ZBTB40: variants seen among roughly 807,000 people sequenced by gnomAD.
ZBTB40 encodes the protein zinc finger and BTB domain containing 40.
A neutral mutation model predicts 117.5 loss-of-function variants in ZBTB40; 60 were observed. That is an observed-to-expected ratio of 0.51 (90% CI 0.41 to 0.63). The LOEUF (loss-of-function observed/expected upper bound fraction) is 0.63. Among genes scored for constraint, ZBTB40 ranks in the 30% least tolerant of loss-of-function variants. The pLI, the probability that ZBTB40 is intolerant of heterozygous loss-of-function variation, is 0.00. For synonymous variants in ZBTB40, 525 were observed against 577.1 expected (o/e 0.91, Z 1.29); for missense variants, 1,287 against 1,498.5 (o/e 0.86, Z 2.33).
intron 1 of ZBTB40, among the ~76,000 whole-genome samples, chr1:22,483,918 T>C (rs1638395331): frequency 6.6e-6 from 1 of 152,250 alleles, no homozygotes; most frequent in Non-Finnish European, 1.5e-5. Context: ...TTTAAGTTAA[T>C]TTTTGTGAAG....
chr1:22,508,514 G>A lies in ZBTB40; in HGVS notation c.1498-16G>A. The stretch of plus-strand genomic sequence containing the variant: ...TGGAGAGTCTCTTACGTGAGTGTTT[G>A]TGTTACATCTTGAAGGTCATGGAGA... On this transcript the variant is annotated splice_polypyrimidine_tract_variant and intron_variant, in intron 7 of 17. Transcript: ENST00000375647. The A allele has an allele frequency of 3.7e-6, 6 of 1,614,130 alleles. No individual in the cohort carries two copies. The highest frequency in any genetic ancestry group is 4.2e-6 in the Non-Finnish European group (5 of 1,179,992).
chr1:22,486,083 T>C (rs1056708111), intron 1 of ZBTB40, among the ~76,000 whole-genome samples: 7 of 152,212 alleles, frequency 4.6e-5, no homozygotes, highest in African/African-American at 1.7e-4. Context: ...CCAAACTGTT[T>C]TTGGGTTTTG....
At chr1:22,477,387 G>A (rs1016052507) in intron 1 of ZBTB40, among the ~76,000 whole-genome samples, 2 of 152,122 alleles carry the variant, frequency 1.3e-5, no homozygotes, top group African/African-American at 4.8e-5. Flanking sequence ...ACATAGAGCT[G>A]GCTTTTAAGA....
chr1:22,510,355 A>G (rs1363367873), intron 9 of ZBTB40, among the ~76,000 whole-genome samples: 3 of 152,202 alleles, frequency 2.0e-5, no homozygotes, highest in East Asian at 1.9e-4. Context: ...GGAAAGACTC[A>G]TCTGTTAGAC....
upstream of ZBTB40, among the ~76,000 whole-genome samples, chr1:22,448,685 G>T (rs1397766103): frequency 6.6e-6 from 1 of 152,138 alleles, no homozygotes; most frequent in Non-Finnish European, 1.5e-5. Flanking sequence ...ACTTCATTAG[G>T]TGGTTACAAG....
chr1:22,470,671 G>C (rs910275818), intron 1 of ZBTB40, among the ~76,000 whole-genome samples: 4 of 152,192 alleles, frequency 2.6e-5, no homozygotes, highest in African/African-American at 7.2e-5. Context: ...CCTGCCAAAA[G>C]TTATCTCAAA....
chr1:22,519,624 C>T (rs1428839599), intron 13 of ZBTB40: 1 of 248,224 alleles, frequency 4.0e-6, no homozygotes, highest in Non-Finnish European at 7.9e-6. Context: ...AAGGAAGCAT[C>T]CCTCCACTTG....
rs17277890 is a variant in ZBTB40, at chr1:22,528,853, C to T, written c.*2457C>T. ...GCCTGGCCAGGTTTCTGTTGGAGAC[C>T]CAGATTGTGACAAGACATTTGTTTT... On this transcript the variant is annotated 3_prime_UTR_variant, in exon 18 of 18. Coordinates refer to ENST00000375647, the MANE Select transcript of ZBTB40 (RefSeq NM_014870.4). The T allele has an allele frequency of 0.023, 3,560 of 152,174 alleles. 123 individuals are homozygous for T. The highest frequency in any genetic ancestry group is 0.091 in the Admixed American group (1,395 of 15,266). The allele number at this position is 152,174 out of a possible 1,614,324, so 9.4% of individuals were successfully genotyped here.
Position 22,524,259 on chromosome 1 carries a change from C to T in ZBTB40, c.3340C>T (p.Arg1114Cys), listed in dbSNP as rs940884487. 23 of 1,614,078 alleles carry T rather than the reference C, an allele frequency of 1.4e-5. No homozygotes were observed. Among genetic ancestry groups the T allele is most frequent in the Non-Finnish European group, 1.7e-5 (20 of 1,180,046 alleles). The change falls in exon 17 of 18, where the codon CGT (arginine) becomes TGT (cysteine). Residue 1114 changes from arginine to cysteine, a missense_variant. Physicochemically the swap from Arg to Cys is radical, Grantham distance 180 (BLOSUM62 -3). Coordinates refer to ENST00000375647, the MANE Select transcript of ZBTB40 (RefSeq NM_014870.4). ...FRCLYCAATF[R>C]FPGALQHHVT... ...GTGCTTGTACTGTGCTGCTACTTTCCGTTTTCCTGGAGCATTGCAGCACCA... is the reference window on the plus strand; with the variant it reads ...GTGCTTGTACTGTGCTGCTACTTTCTGTTTTCCTGGAGCATTGCAGCACCA...
At chr1:22,431,143 T>C (rs1298865824) in intron 1 of ZBTB40, among the ~76,000 whole-genome samples, 1 of 150,198 alleles carries the variant, frequency 6.7e-6, no homozygotes, top group African/African-American at 2.5e-5. Flanking sequence ...ATTCACCTGC[T>C]TTGCCTTGTA....
At chr1:22,447,220 T>G (rs1640799821), upstream of ZBTB40, among the ~76,000 whole-genome samples, 1 of 152,158 alleles carries the variant, frequency 6.6e-6, no homozygotes, top group South Asian at 2.1e-4. Context: ...TATACCTTGG[T>G]AAAGTTGATT....
intron 1 of ZBTB40, among the ~76,000 whole-genome samples, chr1:22,429,701 G>T (rs528489255): frequency 6.6e-6 from 1 of 152,090 alleles, no homozygotes; most frequent in Non-Finnish European, 1.5e-5. Context: ...CATTAAGTGT[G>T]ATGTCTGCTG....
intron 5 of ZBTB40, 134 bp downstream of exon 5, chr1:22,502,575 T>C: frequency 1.6e-6 from 2 of 1,256,604 alleles, no homozygotes; most frequent in Non-Finnish European, 2.3e-6. Context: ...GAAGTCAAGG[T>C]GCTTGTTTCA....
At chr1:22,486,249 A>G (rs1275133769) in intron 1 of ZBTB40, among the ~76,000 whole-genome samples, 1 of 152,132 alleles carries the variant, frequency 6.6e-6, no homozygotes. Flanking sequence ...TTCAGTCTCA[A>G]TCTTTTGGTG....
intron 16 of ZBTB40, among the ~76,000 whole-genome samples, chr1:22,523,048 C>G (rs973884170): frequency 1.3e-5 from 2 of 149,146 alleles, no homozygotes; most frequent in Non-Finnish European, 3.0e-5. Flanking sequence ...CCCAGGTTCA[C>G]GCCATTCTCC....
chr1:22,446,356 C>G (rs1640789613), intron 1 of ZBTB40, among the ~76,000 whole-genome samples: 1 of 151,890 alleles, frequency 6.6e-6, no homozygotes, highest in Admixed American at 6.6e-5. Flanking sequence ...ATATTTGAAA[C>G]AAGAATAACG....
chr1:22,475,268 T>TTA (rs1641526816), intron 1 of ZBTB40, among the ~76,000 whole-genome samples: 2 of 152,332 alleles, frequency 1.3e-5, no homozygotes, highest in South Asian at 2.1e-4. Context: ...TCTGCTTTAA[T>TTA]TATGCTGTTC....
chr1:22,516,122 A>G (rs1639367119), intron 12 of ZBTB40, among the ~76,000 whole-genome samples: 2 of 152,198 alleles, frequency 1.3e-5, no homozygotes, highest in Non-Finnish European at 2.9e-5. Context: ...GGGCTTTGCC[A>G]TGAGCAACTG....
In ZBTB40 at chr1:22,508,767, A is replaced by T. The variant is rs766904040; in HGVS notation, c.1699+36A>T. On this transcript the variant is annotated intron_variant, in intron 8 of 17. Coordinates refer to ENST00000375647, the MANE Select transcript of ZBTB40 (RefSeq NM_014870.4). ...TGCCCTCTGGGGGGGTTTTGCCCCC[A>T]CTAGAGATGACTGTCAGTCTTCCTA... 24 of 1,587,952 alleles carry T rather than the reference A, an allele frequency of 1.5e-5. No individual in the cohort carries two copies. In the Middle Eastern group the frequency reaches 8.8e-4, roughly 58 times the overall value.
Sources: allele counts gnomAD v4.1 joint callset (sites outside exome capture counted in the v4.1 genomes callset), GRCh38; gene constraint gnomAD v4.1.1; transcripts MANE v1.5; gene names NCBI Gene and HGNC (gene_info 2026-07-23, HGNC 2026-07-21).